GSTCD: variants seen among roughly 807,000 people sequenced by gnomAD.
GSTCD encodes the protein glutathione S-transferase C-terminal domain-containing protein.
In GSTCD, 44 loss-of-function variants were observed where a neutral mutation model predicts 68.3. The observed-to-expected ratio is 0.64, with a 90% CI of 0.51 to 0.83. The LOEUF (loss-of-function observed/expected upper bound fraction) is 0.83, where lower values mean the gene tolerates loss of function less well. GSTCD is among the 40% of genes least tolerant of loss of function. The pLI is 0.00. For synonymous variants in GSTCD, 273 were observed against 255.2 expected, an observed-to-expected ratio of 1.07 and a Z score of -0.67; for missense variants, 739 against 735.9, an observed-to-expected ratio of 1.00 and a Z score of -0.05.
At chr4:105,709,327 T>C (rs1732436038) in intron 1 of GSTCD, 1 of 152,312 alleles carries the variant, frequency 6.6e-6, no homozygotes, top group Non-Finnish European at 1.5e-5. Context: ...GAGGCGTTGG[T>C]TGGGGTGGTT....
intron 5 of GSTCD, among the ~76,000 whole-genome samples, chr4:105,751,235 CAACTTCCT>C (rs1553959872): frequency 6.6e-6 from 1 of 151,958 alleles, no homozygotes; most frequent in Non-Finnish European, 1.5e-5. Flanking sequence ...ACTATTATTG[CAACTTCCT>C]GTGAGTCTAA....
At chr4:105,792,855 G>A (rs1269704221) in intron 5 of GSTCD, among the ~76,000 whole-genome samples, 1 of 151,974 alleles carries the variant, frequency 6.6e-6, no homozygotes, top group Non-Finnish European at 1.5e-5. Flanking sequence ...CATCATTCTA[G>A]TTATAATGAA....
chr4:105,759,223 T>C (rs1734309575), intron 5 of GSTCD, among the ~76,000 whole-genome samples: 1 of 152,294 alleles, frequency 6.6e-6, no homozygotes, highest in East Asian at 1.9e-4. Context: ...CTAGTAATGG[T>C]ACAATCAGAA....
At chr4:105,722,274 C>T (rs1732881314) in intron 3 of GSTCD, among the ~76,000 whole-genome samples, 1 of 152,006 alleles carries the variant, frequency 6.6e-6, no homozygotes, top group Admixed American at 6.6e-5. Context: ...TTCCTGTGTT[C>T]CCATCGGCAT....
chr4:105,812,824 TTTCTC>T (rs2149267807), intron 5 of GSTCD, among the ~76,000 whole-genome samples: 1 of 152,198 alleles, frequency 6.6e-6, no homozygotes, highest in African/African-American at 2.4e-5. Flanking sequence ...ATGATGAAAA[TTTCTC>T]TGGTGTCAGA....
At chr4:105,750,460 CAAAAAAAAAAA>C (rs1024094979) in intron 5 of GSTCD, among the ~76,000 whole-genome samples, 1 of 51,278 alleles carries the variant, frequency 2.0e-5, no homozygotes, top group African/African-American at 6.3e-5. Context: ...AACTCCGTCT[CAAAAAAAAAAA>C]AAAAAAAAGA....
chr4:105,735,134 C>T (rs1003520743), intron 5 of GSTCD, among the ~76,000 whole-genome samples: 5 of 152,176 alleles, frequency 3.3e-5, no homozygotes, highest in African/African-American at 1.2e-4. Flanking sequence ...GGTCAGGGAC[C>T]CACTTGAGGA....
intron 5 of GSTCD, among the ~76,000 whole-genome samples, chr4:105,779,450 T>C (rs1735196383): frequency 6.6e-6 from 1 of 152,214 alleles, no homozygotes; most frequent in African/African-American, 2.4e-5. Flanking sequence ...TATAATTTTT[T>C]AGAATGTTTG....
At chr4:105,757,006 C>T (rs1305688111) in intron 5 of GSTCD, among the ~76,000 whole-genome samples, 1 of 152,058 alleles carries the variant, frequency 6.6e-6, no homozygotes, top group East Asian at 1.9e-4. Flanking sequence ...TTGCTATTGC[C>T]TACAAAATTA....
chr4:105,719,397 C>T lies in GSTCD; in HGVS notation c.764C>T (p.Thr255Ile). 1.2e-6 allele frequency: 2 copies of T among 1,614,122 alleles called. No individual in the cohort carries two copies. The highest frequency in any genetic ancestry group is 2.2e-5 in the South Asian group (2 of 91,090). ...KLTVQEEPATTNREPSHIRKA... is the reference protein window; with the variant it reads ...KLTVQEEPATINREPSHIRKA... ...ACAGTACAGGAAGAACCAGCTACTA[C>T]CAACAGAGAGCCTTCTCACATCAGA... is the stretch of plus-strand genomic sequence containing the variant. Residue 255 changes from threonine to isoleucine, a missense_variant, in exon 3 of 12, where the codon ACC becomes ATC. Thr to Ile is a moderately conservative substitution (Grantham distance 89). Coordinates refer to ENST00000515279, the MANE Select transcript of GSTCD (RefSeq NM_001370181.1).
chr4:105,761,393 A>G (rs920202696), intron 5 of GSTCD: 1 of 152,298 alleles, frequency 6.6e-6, no homozygotes, highest in Non-Finnish European at 1.5e-5. Context: ...ATCTGGCCCT[A>G]TGGACATTAG....
intron 5 of GSTCD, among the ~76,000 whole-genome samples, chr4:105,803,171 C>T (rs2553467): frequency 0.92 from 139,288 of 152,178 alleles, 63,768 homozygotes; most frequent in East Asian, 0.96. Flanking sequence ...CAATATTTTT[C>T]ATCTCATATG....
intron 5 of GSTCD, among the ~76,000 whole-genome samples, chr4:105,747,782 A>G (rs1042818571): frequency 2.6e-5 from 4 of 152,020 alleles, no homozygotes; most frequent in Admixed American, 2.0e-4. Context: ...TAAAATACTC[A>G]TCTTGGGTTC....
At chr4:105,753,205 G>A (rs1027915826) in intron 5 of GSTCD, 12 of 151,964 alleles carry the variant, frequency 7.9e-5, no homozygotes, top group Admixed American at 7.2e-4. Context: ...AATTATTAAT[G>A]GGTAAATTTT....
intron 1 of GSTCD, among the ~76,000 whole-genome samples, chr4:105,714,758 C>T (rs1732636336): frequency 6.6e-6 from 1 of 151,878 alleles, no homozygotes; most frequent in South Asian, 2.1e-4. Flanking sequence ...TTCTCTCAGG[C>T]ATCTCATTAA....
At chr4:105,766,368 T>C (rs1232457255) in intron 5 of GSTCD, among the ~76,000 whole-genome samples, 4 of 152,298 alleles carry the variant, frequency 2.6e-5, no homozygotes, top group African/African-American at 9.6e-5. Flanking sequence ...TCTCCCTTGC[T>C]CCTACCTTCC....
chr4:105,777,974 A>G (rs996495205), intron 5 of GSTCD, among the ~76,000 whole-genome samples: 22 of 152,184 alleles, frequency 1.4e-4, no homozygotes, highest in Non-Finnish European at 2.8e-4. Context: ...GGAGAACTTT[A>G]ACAAATGTTG....
At position 105,795,146 on chromosome 4, in the gene GSTCD, G is replaced by C. The variant is rs537917000; in HGVS notation, c.1241-27808G>C. On this transcript the variant is annotated intron_variant, in intron 5 of 11. Coordinates refer to ENST00000515279, the MANE Select transcript of GSTCD (RefSeq NM_001370181.1). The stretch of plus-strand genomic sequence containing the variant: ...CCACGTTGACCTCCCAAAGAGCTGG[G>C]ATTACAGGCATGAGCCACCCTTCCT... 2.4e-4 allele frequency among the ~76,000 whole-genome samples: 37 copies of C among 152,160 alleles called. No homozygotes were observed. In the Middle Eastern group the frequency reaches 0.01, roughly 42 times the overall value.
chr4:105,824,644 T>G (rs1290274282), intron 7 of GSTCD, among the ~76,000 whole-genome samples: 1 of 152,212 alleles, frequency 6.6e-6, no homozygotes, highest in Admixed American at 6.5e-5. Context: ...GTCTCCTAAC[T>G]GGTTTCTCTG....
Sources: gnomAD v4.1 joint callset for allele counts (sites outside exome capture counted in the v4.1 genomes callset) on GRCh38, gnomAD v4.1.1 for gene constraint, MANE v1.5 for transcripts, NCBI Gene and HGNC (gene_info 2026-07-23, HGNC 2026-07-21) for gene names.